Variants in NPAT observed in about 807,000 individuals in gnomAD.
The protein encoded by NPAT is nuclear protein, coactivator of histone transcription.
Under a neutral mutation model 130.7 loss-of-function variants are expected in NPAT, and 52 were observed. That is an observed-to-expected ratio of 0.40 (90% CI 0.32 to 0.50). The LOEUF (loss-of-function observed/expected upper bound fraction) is 0.50. NPAT is among the 20% of genes least tolerant of loss of function. The pLI, the probability that NPAT is intolerant of heterozygous loss-of-function variation, is 0.68. For missense variants in NPAT, 1,687 were observed against 1,662.6 expected, an observed-to-expected ratio of 1.01 and a Z score of -0.26; for synonymous variants, 580 against 584.8, an observed-to-expected ratio of 0.99 and a Z score of 0.12.
chr11:108,213,540 T>C (rs1181510153), intron 1 of NPAT, among the ~76,000 whole-genome samples: 2 of 152,212 alleles, frequency 1.3e-5, no homozygotes, highest in East Asian at 1.9e-4. Flanking sequence ...ACTGTGTTCA[T>C]GGACTGAAAG....
intron 1 of NPAT, among the ~76,000 whole-genome samples, chr11:108,199,090 T>C (rs1323909820): frequency 6.6e-6 from 1 of 152,084 alleles, no homozygotes; most frequent in Non-Finnish European, 1.5e-5. Flanking sequence ...AGCTGAAACA[T>C]GCGCTCCCCT....
At chr11:108,221,984 T>C (rs1023551877) in intron 1 of NPAT, among the ~76,000 whole-genome samples, 12 of 152,144 alleles carry the variant, frequency 7.9e-5, no homozygotes, top group Admixed American at 6.5e-4. Flanking sequence ...GGACGACGTA[T>C]TGCGTGGAGG....
intron 10 of NPAT, among the ~76,000 whole-genome samples, chr11:108,178,916 A>G (rs2078034192): frequency 6.6e-6 from 1 of 152,218 alleles, no homozygotes; most frequent in South Asian, 2.1e-4. Context: ...AAAATAGCCA[A>G]AACAATCTTG....
intron 13 of NPAT, chr11:108,171,206 C>T (rs888338391): frequency 2.8e-5 from 4 of 142,792 alleles, no homozygotes; most frequent in Non-Finnish European, 1.5e-5. Context: ...TCTTGGCTCA[C>T]TGCAACCTCT....
At chr11:108,188,269 T>A in intron 6 of NPAT, 90 bp from the exon 7 acceptor site, 1 of 986,050 alleles carries the variant, frequency 1.0e-6, no homozygotes, top group Non-Finnish European at 1.6e-6. Context: ...TGATTATTAT[T>A]TTATATTAAA....
rs1373545847 is a variant in NPAT at position 108,173,550 on chromosome 11, T to C, written c.1434A>G (p.Glu478=). The change falls in exon 13 of 18, where the codon GAA becomes GAG. Residue 478 remains glutamate (E), a synonymous_variant. Transcript: ENST00000278612. ...AELYTNQMST[E]TEMAIGIEKN... is the part of the protein sequence containing the mutation. ...TTTCAATCCCTATAGCCATTTCAGT[T>C]TCAGTGGACATCTGATTGGTGTATA... 1 of 1,614,214 alleles carries C rather than the reference T, an allele frequency of 6.2e-7. No individual in the cohort carries two copies. Among genetic ancestry groups the C allele is most frequent in the Non-Finnish European group, 8.5e-7 (1 of 1,180,022 alleles).
chr11:108,187,993 T>C, intron 7 of NPAT, 105 bp downstream of exon 7: 1 of 806,738 alleles, frequency 1.2e-6, no homozygotes, highest in Non-Finnish European at 2.2e-6. Flanking sequence ...GATCAGAACA[T>C]AATCTGGTCC....
chr11:108,159,874 C>G (rs1253827052), intron 17 of NPAT, among the ~76,000 whole-genome samples: 2 of 151,454 alleles, frequency 1.3e-5, no homozygotes, highest in South Asian at 2.1e-4. Context: ...AAAAAATGAC[C>G]AGGCGTGGTG....
chr11:108,204,559 TGCC>T (rs1181238843), intron 1 of NPAT, among the ~76,000 whole-genome samples: 5 of 152,072 alleles, frequency 3.3e-5, no homozygotes, highest in African/African-American at 2.4e-5. Flanking sequence ...CTGCCGAACC[TGCC>T]GAACCTGCAG....
At chr11:108,168,233 T>A (rs974134014) in intron 15 of NPAT, among the ~76,000 whole-genome samples, 2 of 152,154 alleles carry the variant, frequency 1.3e-5, no homozygotes, top group African/African-American at 4.8e-5. Flanking sequence ...TCATATGGGT[T>A]CACACAGAGG....
At position 108,185,480 on chromosome 11, in the gene NPAT, T is replaced by G; in HGVS notation, c.741A>C (p.Glu247Asp). ...AFAVEKQMVI[E>D]NAREKILSNK... ...TGCTTAGTATTTTTTCTCGTGCATT[T>G]TCAATAACCATTTGCTGGAAAAGAA... is the stretch of plus-strand genomic sequence containing the variant. Residue 247 changes from glutamate to aspartate, a missense_variant, in exon 9 of 18, where the codon GAA (glutamate) becomes GAC (aspartate). Around this residue, in one of 3 missense-constraint regions of NPAT, gnomAD observed 307 missense variants for 298.9 expected, o/e 1.03. Coordinates refer to ENST00000278612, the MANE Select transcript of NPAT (RefSeq NM_002519.3). 4 of 1,609,008 alleles carry G rather than the reference T, an allele frequency of 2.5e-6. No individual in the cohort carries two copies. Among genetic ancestry groups the G allele is most frequent in the Non-Finnish European group, 3.4e-6 (4 of 1,176,226 alleles).
At chr11:108,164,490 A>C (rs968178490) in intron 15 of NPAT, among the ~76,000 whole-genome samples, 2 of 152,228 alleles carry the variant, frequency 1.3e-5, no homozygotes, top group African/African-American at 4.8e-5. Context: ...TAGGCTGTTT[A>C]GTAAAGGAAG....
intron 1 of NPAT, among the ~76,000 whole-genome samples, chr11:108,210,900 A>C (rs573474713): frequency 6.6e-6 from 1 of 152,330 alleles, no homozygotes; most frequent in South Asian, 2.1e-4. Context: ...AGACATCACA[A>C]AACTACACGC....
chr11:108,183,568 G>A (rs1186322278), intron 10 of NPAT, among the ~76,000 whole-genome samples: 4 of 152,162 alleles, frequency 2.6e-5, no homozygotes, highest in Admixed American at 1.3e-4. Context: ...TTGGGAGGCC[G>A]AGTTAGGCAG....
chr11:108,205,785 G>A (rs2078319794), intron 1 of NPAT, among the ~76,000 whole-genome samples: 2 of 152,170 alleles, frequency 1.3e-5, no homozygotes, highest in South Asian at 2.1e-4. Context: ...GCTCATGCCT[G>A]TAATCCCAGC....
chr11:108,199,092 C>T (rs1336534667), intron 1 of NPAT, among the ~76,000 whole-genome samples: 6 of 152,280 alleles, frequency 3.9e-5, no homozygotes, highest in South Asian at 4.1e-4. Flanking sequence ...CTGAAACATG[C>T]GCTCCCCTGC....
chr11:108,196,706 A>G (rs931378360), intron 2 of NPAT, among the ~76,000 whole-genome samples: 1 of 152,184 alleles, frequency 6.6e-6, no homozygotes, highest in East Asian at 1.9e-4. Context: ...TCAAAATCCA[A>G]TTGTTCATTG....
In NPAT at chr11:108,205,917, C is replaced by T. The variant is rs891551898; in HGVS notation, c.38-8497G>A. ...AAAATTAGCTAGGTGTGGTGGGACT[C>T]GCCTGTAATCTCAGCTACTTGGGAA... On this transcript the variant is annotated intron_variant, in intron 1 of 17. Transcript: ENST00000278612. Among the ~76,000 whole-genome samples, 21 of 152,058 alleles carry T rather than the reference C, an allele frequency of 1.4e-4. 1 individual carries two copies. Among genetic ancestry groups the T allele is most frequent in the Admixed American group, 1.2e-3 (19 of 15,266 alleles).
chr11:108,187,968 A>C, intron 7 of NPAT, 130 bp downstream of exon 7: 1 of 709,798 alleles, frequency 1.4e-6, no homozygotes, highest in Non-Finnish European at 2.5e-6. Context: ...TGTATTTTGG[A>C]ATAGTTCTAA....
Sources: gnomAD v4.1 joint callset for allele counts (sites outside exome capture counted in the v4.1 genomes callset) on GRCh38, gnomAD v4.1.1 for gene constraint, gnomAD v4.1.1 regional missense constraint, MANE v1.5 for transcripts, NCBI Gene and HGNC (gene_info 2026-07-23, HGNC 2026-07-21) for gene names.